Variants in PRR14L observed in about 807,000 individuals in gnomAD.
PRR14L encodes the protein proline rich 14 like.
Under a neutral mutation model 155.0 loss-of-function variants are expected in PRR14L, and 80 were observed. The observed-to-expected ratio is 0.52, with a 90% CI of 0.43 to 0.62. The LOEUF is 0.62. Ranked by LOEUF, PRR14L falls within the 20% of genes least tolerant of loss-of-function variation. The pLI is 0.00. For missense variants in PRR14L, 2,469 were observed against 2,548.0 expected, an observed-to-expected ratio of 0.97 and a Z score of 0.67; for synonymous variants, 883 against 916.0, an observed-to-expected ratio of 0.96 and a Z score of 0.65.
intron 7 of PRR14L, among the ~76,000 whole-genome samples, chr22:31,693,788 G>C (rs944524668): frequency 1.3e-5 from 2 of 152,088 alleles, no homozygotes; most frequent in African/African-American, 4.8e-5. Flanking sequence ...TTGTTCTGGT[G>C]TGCTCCTGTT....
chr22:31,745,593 A>C (rs186371872), intron 1 of PRR14L, among the ~76,000 whole-genome samples: 64 of 151,450 alleles, frequency 4.2e-4, no homozygotes, highest in Middle Eastern at 3.4e-3. Flanking sequence ...TGCCTGTAAT[A>C]CCAGCACTTT....
At chr22:31,694,093 G>A (rs140615281) in intron 7 of PRR14L, among the ~76,000 whole-genome samples, 2,213 of 151,514 alleles carry the variant, frequency 0.015, 56 homozygotes, top group African/African-American at 0.052. Flanking sequence ...CCTGGCCAAC[G>A]TGGTGAAACC....
At chr22:31,738,338 A>G (rs1282401937) in intron 2 of PRR14L, 49 bp downstream of exon 2, 1 of 1,409,604 alleles carries the variant, frequency 7.1e-7, no homozygotes, top group South Asian at 1.3e-5. Context: ...TATCCAGAGA[A>G]AGCTGTCATT....
intron 2 of PRR14L, among the ~76,000 whole-genome samples, chr22:31,727,991 A>AG (rs2074726675): frequency 6.6e-6 from 1 of 151,928 alleles, no homozygotes; most frequent in Admixed American, 6.6e-5. Flanking sequence ...AAAAAAAAAA[A>AG]AAAGAAAAGA....
intron 3 of PRR14L, among the ~76,000 whole-genome samples, chr22:31,724,825 A>G (rs925888804): frequency 2.6e-5 from 4 of 152,156 alleles, no homozygotes; most frequent in African/African-American, 9.7e-5. Context: ...TTCCTCCTCA[A>G]TCAGTCAACC....
intron 2 of PRR14L, among the ~76,000 whole-genome samples, chr22:31,735,175 T>C (rs897743995): frequency 5.3e-5 from 8 of 152,106 alleles, no homozygotes; most frequent in African/African-American, 1.9e-4. Flanking sequence ...CGCGGTGGCT[T>C]GCGCCTGTAA....
intron 2 of PRR14L, among the ~76,000 whole-genome samples, chr22:31,736,915 G>A (rs2074784916): frequency 6.6e-6 from 1 of 150,504 alleles, no homozygotes; most frequent in Non-Finnish European, 1.5e-5. Flanking sequence ...GCCAGCGCCT[G>A]TAATCCCAGC....
At chr22:31,688,337 A>C in intron 7 of PRR14L, 110 bp from the exon 8 acceptor site, 29 of 1,318,824 alleles carry the variant, frequency 2.2e-5, no homozygotes, top group Non-Finnish European at 2.5e-5. Context: ...ATCATAGCTC[A>C]CTGCAGCCTT....
At chr22:31,749,002 G>A (rs2074856234) in intron 1 of PRR14L, among the ~76,000 whole-genome samples, 1 of 152,008 alleles carries the variant, frequency 6.6e-6, no homozygotes, top group African/African-American at 2.4e-5. Flanking sequence ...GGCTGCGAGG[G>A]GCATGCATGG....
intron 7 of PRR14L, among the ~76,000 whole-genome samples, chr22:31,693,521 G>A (rs1569497261): frequency 6.6e-6 from 1 of 152,196 alleles, no homozygotes; most frequent in Non-Finnish European, 1.5e-5. Context: ...TCTGAATAAA[G>A]CTGCTATGAA....
At position 31,712,125 on chromosome 22, in the gene PRR14L, G is replaced by T; in HGVS notation, c.5714C>A (p.Ser1905Tyr). ...VCSFEISSLH[S>Y]PHCKRQPSLG... ...ACTTGGTTGCCGCTTGCAGTGAGGG[G>T]AATGAAGAGAAGAGATTTCGAAGGA... The change falls in exon 4 of 9, where the codon TCC becomes TAC. Residue 1905 changes from serine (S) to tyrosine (Y), a missense_variant. Around this residue, in one of 2 missense-constraint regions of PRR14L, gnomAD observed 2,363 missense variants for 2,371.6 expected, o/e 1.00. Coordinates refer to ENST00000327423, the MANE Select transcript of PRR14L (RefSeq NM_173566.3). 4 of 1,613,932 alleles carry T rather than the reference G, an allele frequency of 2.5e-6. No homozygotes were observed. Among genetic ancestry groups the T allele is most frequent in the Non-Finnish European group, 3.4e-6 (4 of 1,179,950 alleles).
At position 31,712,089 on chromosome 22, in the gene PRR14L, G is replaced by A. The variant is rs1292046469; in HGVS notation, c.5750C>T (p.Thr1917Ile). 1.2e-6 allele frequency: 2 copies of A among 1,609,018 alleles called. No individual in the cohort carries two copies. Among genetic ancestry groups the A allele is most frequent in the Admixed American group, 3.4e-5 (2 of 59,058 alleles). ...HCKRQPSLGT[T>I]SSHTMLPYVP... ...AACAGGGGACAGATTTTACCTGCTT[G>A]TGGTGCCCAGACTTGGTTGCCGCTT... is the stretch of plus-strand genomic sequence containing the variant. The change falls in exon 4 of 9, where the codon ACA becomes ATA. Residue 1917 changes from threonine (T) to isoleucine (I), a missense_variant. Thr to Ile is a moderately conservative substitution (Grantham distance 89). Coordinates refer to ENST00000327423, the MANE Select transcript of PRR14L (RefSeq NM_173566.3).
chr22:31,743,671 G>A (rs777227631), intron 1 of PRR14L, among the ~76,000 whole-genome samples: 46 of 151,174 alleles, frequency 3.0e-4, no homozygotes, highest in Non-Finnish European at 6.0e-4. Context: ...GCATGTTGGC[G>A]AACGCCTGTA....
At position 31,685,264 on chromosome 22, in the gene PRR14L, G is replaced by C; in HGVS notation, c.*263C>G. The C allele has an allele frequency of 2.7e-6, 1 of 374,904 alleles. No homozygotes were observed. Among genetic ancestry groups the C allele is most frequent in the Non-Finnish European group, 4.8e-6 (1 of 208,034 alleles). The allele number at this position is 374,904 out of a possible 1,614,324, so 23.2% of individuals were successfully genotyped here. ...GAGACTGAGGAGGTGGCTGGATGTC[G>C]TTCAGGTCCATTTCCAGGAGAAAGG... On this transcript the variant is annotated 3_prime_UTR_variant, in exon 9 of 9. Coordinates refer to ENST00000327423, the MANE Select transcript of PRR14L (RefSeq NM_173566.3).
In PRR14L at chr22:31,714,060, T is replaced by C; in HGVS notation, c.3779A>G (p.Asn1260Ser). 1 of 1,550,200 alleles carries C rather than the reference T, an allele frequency of 6.5e-7. No individual in the cohort carries two copies. Among genetic ancestry groups the C allele is most frequent in the South Asian group, 1.2e-5 (1 of 83,508 alleles). The change falls in exon 4 of 9, where the codon AAT (asparagine) becomes AGT (serine). Residue 1260 changes from asparagine to serine, a missense_variant. Asn to Ser is a conservative substitution (Grantham distance 46). Around this residue, in one of 2 missense-constraint regions of PRR14L, gnomAD observed 2,363 missense variants for 2,371.6 expected, o/e 1.00. Coordinates refer to ENST00000327423, the MANE Select transcript of PRR14L (RefSeq NM_173566.3). ...NVNSEETDLK[N>S]LCKPKDGEML... The stretch of plus-strand genomic sequence containing the variant: ...TTCACCATCTTTTGGTTTACAAAGA[T>C]TTTTCAGGTCAGTTTCTTCACTGTT...
In PRR14L at chr22:31,716,968, T is replaced by C; in HGVS notation, c.871A>G (p.Asn291Asp). The C allele has an allele frequency of 6.4e-7, 1 of 1,551,910 alleles. No individual in the cohort carries two copies. The highest frequency in any genetic ancestry group is 1.2e-5 in the South Asian group (1 of 84,060). ...LSLPGNSAISNVDNGKEELCK... is the reference protein window; with the variant it reads ...LSLPGNSAISDVDNGKEELCK... ...AACTCTTCCTTCCCATTGTCCACAT[T>C]AGAAATGGCACTGTTTCCTGGTAAT... is the stretch of plus-strand genomic sequence containing the variant. The change falls in exon 4 of 9, where the codon AAT (asparagine) becomes GAT (aspartate). Residue 291 changes from asparagine to aspartate, a missense_variant. By Grantham distance (23) the Asn-to-Asp change is conservative. Transcript: ENST00000327423.
intron 2 of PRR14L, among the ~76,000 whole-genome samples, chr22:31,726,763 A>G (rs1470972940): frequency 1.3e-5 from 2 of 152,150 alleles, no homozygotes; most frequent in Non-Finnish European, 2.9e-5. Context: ...TACTAACTAC[A>G]TGGTGCTGAC....
At chr22:31,725,916 G>A (rs901961589) in intron 2 of PRR14L, among the ~76,000 whole-genome samples, 8 of 151,692 alleles carry the variant, frequency 5.3e-5, no homozygotes, top group Non-Finnish European at 1.2e-4. Context: ...TGATCCGCCC[G>A]CCTCCGCCTC....
chr22:31,722,035 C>T (rs761146037), intron 3 of PRR14L, among the ~76,000 whole-genome samples: 5 of 152,028 alleles, frequency 3.3e-5, no homozygotes, highest in African/African-American at 4.8e-5. Context: ...ATAACCAAAA[C>T]GTAATAAATA....
Sources: allele counts gnomAD v4.1 joint callset (sites outside exome capture counted in the v4.1 genomes callset), GRCh38; gene constraint gnomAD v4.1.1; regional missense constraint gnomAD v4.1.1; transcripts MANE v1.5; gene names NCBI Gene and HGNC (gene_info 2026-07-23, HGNC 2026-07-21).